The following C8orf34 variants were observed in gnomAD, a reference collection of about 807,000 sequenced individuals.
C8orf34 encodes the protein chromosome 8 open reading frame 34, also known as uncharacterized protein C8orf34.
C8orf34 carries 65 observed loss-of-function variants against 68.3 expected under a neutral mutation model. The observed-to-expected ratio is 0.95, with a 90% CI of 0.78 to 1.17. C8orf34 has a LOEUF of 1.17. Among genes scored for constraint, C8orf34 ranks in the 50% most tolerant of loss-of-function variants. The probability of loss-of-function intolerance (pLI) is 0.00; values close to 1 mark genes in which losing one functional copy is unlikely to be tolerated. For missense variants in C8orf34, 664 were observed against 655.4 expected (o/e 1.01, Z -0.14); for synonymous variants, 244 against 241.2 (o/e 1.01, Z -0.11).
chr8:68,690,449 A>C (rs1414530913), intron 8 of C8orf34, among the ~76,000 whole-genome samples: 2 of 152,010 alleles, frequency 1.3e-5, no homozygotes, highest in Non-Finnish European at 2.9e-5. Context: ...AATAACAGAT[A>C]TTTATTTCTT....
intron 8 of C8orf34, among the ~76,000 whole-genome samples, chr8:68,647,699 A>G (rs905681229): frequency 6.6e-6 from 1 of 152,220 alleles, no homozygotes; most frequent in Non-Finnish European, 1.5e-5. Flanking sequence ...GATCGAGAAT[A>G]TAACACAAGG....
intron 8 of C8orf34, among the ~76,000 whole-genome samples, chr8:68,655,443 G>A (rs1819484670): frequency 6.6e-6 from 1 of 152,146 alleles, no homozygotes; most frequent in African/African-American, 2.4e-5. Context: ...AACTTACGAT[G>A]GTTCAACTTA....
At chr8:68,548,781 CAGG>C (rs1815971149) in intron 7 of C8orf34, among the ~76,000 whole-genome samples, 1 of 151,752 alleles carries the variant, frequency 6.6e-6, no homozygotes, top group Admixed American at 6.6e-5. Context: ...TGTCAATCAT[CAGG>C]AGAATATGTA....
chr8:68,509,830 A>T (rs534725493), intron 5 of C8orf34, among the ~76,000 whole-genome samples: 55 of 152,258 alleles, frequency 3.6e-4, no homozygotes, highest in African/African-American at 1.3e-3. Context: ...AGACCATGGC[A>T]GATGCTGTCA....
chr8:68,472,855 T>A (rs1812439930), intron 4 of C8orf34, among the ~76,000 whole-genome samples: 1 of 152,140 alleles, frequency 6.6e-6, no homozygotes, highest in South Asian at 2.1e-4. Flanking sequence ...CAAACTCTAG[T>A]GTAAATTTTA....
intron 3 of C8orf34, among the ~76,000 whole-genome samples, chr8:68,448,353 T>A (rs911539611): frequency 4.0e-4 from 60 of 151,372 alleles, no homozygotes; most frequent in Admixed American, 1.6e-3. Flanking sequence ...ATACTTTTTT[T>A]TAAAAAATAG....
At chr8:68,654,957 A>G (rs897863868) in intron 8 of C8orf34, among the ~76,000 whole-genome samples, 2 of 152,200 alleles carry the variant, frequency 1.3e-5, no homozygotes, top group South Asian at 2.1e-4. Context: ...TGCGTCAGCT[A>G]TAATACCTTT....
At chr8:68,541,421 G>T (rs1815696516) in intron 7 of C8orf34, among the ~76,000 whole-genome samples, 1 of 151,450 alleles carries the variant, frequency 6.6e-6, no homozygotes, top group Admixed American at 6.6e-5. Context: ...AGCTATGATG[G>T]CACCGCTGCA....
At chr8:68,555,966 C>T (rs1426021145) in intron 7 of C8orf34, among the ~76,000 whole-genome samples, 1 of 152,074 alleles carries the variant, frequency 6.6e-6, no homozygotes, top group African/African-American at 2.4e-5. Context: ...TGGGTTCACA[C>T]CTGAGAGTGT....
At chr8:68,535,910 G>A (rs139491418) in intron 7 of C8orf34, 25,790 of 962,484 alleles carry the variant, frequency 0.027, 429 homozygotes, top group Non-Finnish European at 0.03. Flanking sequence ...TATCTGCCAA[G>A]TCATCTCATG....
intron 10 of C8orf34, among the ~76,000 whole-genome samples, chr8:68,736,398 C>T (rs1015422235): frequency 2.0e-5 from 3 of 151,964 alleles, no homozygotes; most frequent in Admixed American, 2.0e-4. Flanking sequence ...GAATGGTACC[C>T]CCAATCATAT....
chr8:68,403,167 C>T (rs570000196), intron 1 of C8orf34, among the ~76,000 whole-genome samples: 1 of 152,190 alleles, frequency 6.6e-6, no homozygotes, highest in Non-Finnish European at 1.5e-5. Context: ...GACAACTCTT[C>T]CATAATGTAC....
At chr8:68,637,980 T>A (rs1488043671) in intron 7 of C8orf34, among the ~76,000 whole-genome samples, 1 of 152,082 alleles carries the variant, frequency 6.6e-6, no homozygotes, top group Non-Finnish European at 1.5e-5. Flanking sequence ...TTAATAAGAA[T>A]AAAATGAAAG....
chr8:68,727,597 A>G (rs1394766531), intron 10 of C8orf34, among the ~76,000 whole-genome samples: 3 of 152,248 alleles, frequency 2.0e-5, no homozygotes, highest in East Asian at 1.9e-4. Context: ...CTGCTCCTGC[A>G]GCAAACTTTT....
At chr8:68,611,669 A>G (rs139205982) in intron 7 of C8orf34, among the ~76,000 whole-genome samples, 2 of 152,318 alleles carry the variant, frequency 1.3e-5, no homozygotes, top group East Asian at 3.9e-4. Context: ...ATATGAACTT[A>G]TGTCAGTATC....
At chr8:68,685,521 TC>T (rs1185621947) in intron 8 of C8orf34, among the ~76,000 whole-genome samples, 1 of 152,078 alleles carries the variant, frequency 6.6e-6, no homozygotes, top group Non-Finnish European at 1.5e-5. Context: ...TCAAACAATT[TC>T]CAAGTTGAGG....
chr8:68,460,154 G>T (rs911138003), intron 3 of C8orf34, among the ~76,000 whole-genome samples: 1 of 152,134 alleles, frequency 6.6e-6, no homozygotes, highest in African/African-American at 2.4e-5. Flanking sequence ...CACCTGGCTC[G>T]GAGGGTCCTA....
upstream of C8orf34, chr8:68,330,866 G>T (rs1019040466): frequency 1.8e-5 from 11 of 628,224 alleles, no homozygotes; most frequent in African/African-American, 2.0e-4. Flanking sequence ...GTCCGCCCGC[G>T]TGCGCCCCTC....
chr8:68,531,244 T>G (rs1353783099), intron 6 of C8orf34, among the ~76,000 whole-genome samples: 3 of 152,180 alleles, frequency 2.0e-5, no homozygotes, highest in Non-Finnish European at 4.4e-5. Context: ...TTCAAATGTC[T>G]TCAATTTTTC....
Sources: allele counts gnomAD v4.1 joint callset (sites outside exome capture counted in the v4.1 genomes callset), GRCh38; gene constraint gnomAD v4.1.1; transcripts MANE v1.5; gene names NCBI Gene and HGNC (gene_info 2026-07-23, HGNC 2026-07-21).